NXPE2: variants seen among roughly 807,000 people sequenced by gnomAD.
NXPE2 encodes neurexophilin and PC-esterase domain family member 2.
Under a neutral mutation model 34.4 loss-of-function variants are expected in NXPE2, and 34 were observed. The ratio of observed to expected loss-of-function variants is 0.99; its 90% CI spans 0.75 to 1.31. The LOEUF (loss-of-function observed/expected upper bound fraction) is 1.31. NXPE2 is among the 40% of genes most tolerant of loss of function. The pLI is 0.00. For missense variants in NXPE2, 649 were observed against 672.5 expected, an observed-to-expected ratio of 0.97 and a Z score of 0.39; for synonymous variants, 235 against 231.3, an observed-to-expected ratio of 1.02 and a Z score of -0.15.
the NXPE2 span, among the ~76,000 whole-genome samples, chr11:114,514,502 C>G: frequency 2.1e-3 from 324 of 152,128 alleles, no homozygotes; most frequent in African/African-American, 7.6e-3. Context: ...TGACCTCCTG[C>G]CTTAGCCTCC....
chr11:114,755,785 G>A, the NXPE2 span, among the ~76,000 whole-genome samples: 1 of 146,192 alleles, frequency 6.8e-6, no homozygotes, highest in South Asian at 2.2e-4. Flanking sequence ...TATCTATCTT[G>A]TTCTAGAAAG....
rs1044181326 is a variant in NXPE2 at position 114,678,601 on chromosome 11, G to C, written c.26G>C (p.Arg9Thr). 1 of 1,548,600 alleles carries C rather than the reference G, an allele frequency of 6.5e-7. No homozygotes were observed. The highest frequency in any genetic ancestry group is 8.7e-7 in the Non-Finnish European group (1 of 1,144,292). The change falls in exon 1 of 6, where the codon AGG becomes ACG. Residue 9 changes from arginine (R) to threonine (T), a missense_variant and splice_region_variant. Transcript: ENST00000389586. The part of the protein sequence containing the change: MVEKILIH[R>T]ILTLFPNAIA... ...ATGGTGGAGAAAATACTCATCCATA[G>C]GTGTGGTACTTTCCAACTCTTACTG...
the NXPE2 span, among the ~76,000 whole-genome samples, chr11:114,516,988 C>A: frequency 6.6e-6 from 1 of 152,156 alleles, no homozygotes; most frequent in Non-Finnish European, 1.5e-5. Flanking sequence ...TACTGGTATT[C>A]TCTCTATATC....
At chr11:114,563,185 A>T in the NXPE2 span, among the ~76,000 whole-genome samples, 2 of 152,130 alleles carry the variant, frequency 1.3e-5, no homozygotes, top group Non-Finnish European at 2.9e-5. Flanking sequence ...AAGTAGGAAT[A>T]TTAGTCACAA....
chr11:114,776,244 G>A, the NXPE2 span, among the ~76,000 whole-genome samples: 1 of 152,228 alleles, frequency 6.6e-6, no homozygotes, highest in African/African-American at 2.4e-5. Context: ...GAGAGCCCAC[G>A]AGGAGCAAGG....
the NXPE2 span, among the ~76,000 whole-genome samples, chr11:114,637,530 C>T: frequency 1.3e-5 from 2 of 150,694 alleles, no homozygotes; most frequent in East Asian, 3.9e-4. Context: ...TTATTTTGCT[C>T]GTTAGTTGAT....
chr11:114,524,880 C>A, the NXPE2 span, among the ~76,000 whole-genome samples: 1 of 152,118 alleles, frequency 6.6e-6, no homozygotes, highest in Non-Finnish European at 1.5e-5. Context: ...GTAATAATAT[C>A]AGGATTCTGT....
the NXPE2 span, among the ~76,000 whole-genome samples, chr11:114,756,662 A>G: frequency 6.6e-6 from 1 of 152,178 alleles, no homozygotes; most frequent in African/African-American, 2.4e-5. Context: ...ATTCAGTTTT[A>G]TACAGGGAGA....
the NXPE2 span, among the ~76,000 whole-genome samples, chr11:114,573,570 T>G: frequency 6.6e-6 from 1 of 152,180 alleles, no homozygotes. Flanking sequence ...GTAGCAATTC[T>G]TATATCAGAC....
At chr11:114,680,482 A>G (rs1009340282) in intron 2 of NXPE2, among the ~76,000 whole-genome samples, 1 of 152,116 alleles carries the variant, frequency 6.6e-6, no homozygotes, top group Non-Finnish European at 1.5e-5. Flanking sequence ...TTCAGAGCAC[A>G]GCTCAGAAGG....
chr11:114,577,028 CATAT>C, the NXPE2 span, among the ~76,000 whole-genome samples: 5 of 95,012 alleles, frequency 5.3e-5, no homozygotes, highest in East Asian at 4.8e-4. Context: ...TATATATATA[CATAT>C]ATATATATAA....
chr11:114,554,742 A>T, the NXPE2 span, among the ~76,000 whole-genome samples: 6 of 152,334 alleles, frequency 3.9e-5, no homozygotes, highest in Non-Finnish European at 8.8e-5. Flanking sequence ...AGGCATTGCT[A>T]ATATTACCGT....
the NXPE2 span, among the ~76,000 whole-genome samples, chr11:114,628,115 A>G: frequency 1.4e-5 from 2 of 146,994 alleles, no homozygotes; most frequent in Non-Finnish European, 3.0e-5. Context: ...GATCAATGAG[A>G]CAGAAAGTCA....
the NXPE2 span, among the ~76,000 whole-genome samples, chr11:114,650,711 A>G: frequency 6.6e-6 from 1 of 152,170 alleles, no homozygotes; most frequent in Middle Eastern, 3.4e-3. Context: ...AGGGCAGGCA[A>G]CTCCCACCCA....
chr11:114,593,329 C>A, the NXPE2 span, among the ~76,000 whole-genome samples: 3 of 151,916 alleles, frequency 2.0e-5, no homozygotes, highest in African/African-American at 7.2e-5. Context: ...AACTCTATAG[C>A]AAAAATATTT....
the NXPE2 span, among the ~76,000 whole-genome samples, chr11:114,794,145 A>G: frequency 3.3e-5 from 5 of 152,098 alleles, no homozygotes; most frequent in South Asian, 2.1e-4. Flanking sequence ...TCGGCTCTCC[A>G]TCATCTTCAG....
At chr11:114,618,180 G>A in the NXPE2 span, among the ~76,000 whole-genome samples, 12 of 150,270 alleles carry the variant, frequency 8.0e-5, no homozygotes, top group Middle Eastern at 3.4e-3. Context: ...ATTGGTACCC[G>A]GTGGATACTA....
the NXPE2 span, among the ~76,000 whole-genome samples, chr11:114,615,925 A>G: frequency 6.6e-6 from 1 of 151,592 alleles, no homozygotes; most frequent in Non-Finnish European, 1.5e-5. Flanking sequence ...CTGGTGGATA[A>G]TATGTATCGA....
chr11:114,684,300 G>A (rs1241269408), intron 2 of NXPE2, among the ~76,000 whole-genome samples: 17 of 152,016 alleles, frequency 1.1e-4, no homozygotes, highest in East Asian at 5.8e-4. Flanking sequence ...GGTGGTGGGC[G>A]CCTGTAGTCC....
Sources: allele counts gnomAD v4.1 joint callset (sites outside exome capture counted in the v4.1 genomes callset), GRCh38; gene constraint gnomAD v4.1.1; transcripts MANE v1.5; gene names NCBI Gene and HGNC (gene_info 2026-07-23, HGNC 2026-07-21).